TANC2: variants seen among roughly 807,000 people sequenced by gnomAD.
TANC2 encodes the protein protein TANC2.
TANC2 carries 26 observed loss-of-function variants against 210.5 expected under a neutral mutation model. The observed-to-expected ratio is 0.12, with a 90% confidence interval of 0.09 to 0.17. TANC2 has a LOEUF of 0.17. TANC2 is among the 10% of genes least tolerant of loss of function. TANC2 has a pLI of 1.00. For missense variants in TANC2, 2,129 were observed against 2,608.9 expected (o/e 0.82, Z 4.01); for synonymous variants, 931 against 967.1 (o/e 0.96, Z 0.69).
At position 63,247,094 on chromosome 17, in the gene TANC2, A is replaced by G. The variant is rs1036682551; in HGVS notation, c.1033+9017A>G. Among the ~76,000 whole-genome samples, 8 of 152,176 alleles carry G rather than the reference A, an allele frequency of 5.3e-5. No individual in the cohort carries two copies. In the East Asian group the frequency reaches 1.5e-3, roughly 29 times the overall value. Reference sequence around the variant, plus strand: ...ATCTATTCATTTATTCTTTAGTGAAATATCTATTCAAACTTTAGCACATTT... The same window carrying G: ...ATCTATTCATTTATTCTTTAGTGAAGTATCTATTCAAACTTTAGCACATTT... On this transcript the variant is annotated intron_variant, in intron 8 of 27. Transcript: ENST00000689528.
intron 1 of TANC2, chr17:62,978,926 A>G (rs1219548047): frequency 6.6e-6 from 1 of 152,224 alleles, no homozygotes; most frequent in African/African-American, 2.4e-5. Flanking sequence ...CCAGCAAAGC[A>G]TTTAATAAAA....
chr17:63,195,009 TAATA>T (rs1296761681), intron 6 of TANC2, among the ~76,000 whole-genome samples: 1 of 152,162 alleles, frequency 6.6e-6, no homozygotes, highest in African/African-American at 2.4e-5. Context: ...CATATTTTAT[TAATA>T]AATATTAGTG....
chr17:63,245,096 A>G (rs190929422), intron 8 of TANC2, among the ~76,000 whole-genome samples: 6 of 152,296 alleles, frequency 3.9e-5, no homozygotes, highest in Admixed American at 2.6e-4. Flanking sequence ...TGATTTTACT[A>G]TTCTTCCACC....
intron 5 of TANC2, chr17:63,154,245 A>G (rs2039759579): frequency 6.6e-6 from 1 of 152,140 alleles, no homozygotes; most frequent in Admixed American, 6.6e-5. Context: ...AGAGAATTCA[A>G]GTGATTTGTC....
chr17:63,274,376 T>C (rs940365124), intron 9 of TANC2, among the ~76,000 whole-genome samples: 2 of 152,156 alleles, frequency 1.3e-5, no homozygotes, highest in African/African-American at 4.8e-5. Context: ...TGAATACTAA[T>C]GATAAAAGTC....
intron 2 of TANC2, among the ~76,000 whole-genome samples, chr17:63,012,557 G>GT (rs1555752778): frequency 1.3e-5 from 2 of 151,804 alleles, no homozygotes; most frequent in African/African-American, 4.8e-5. Flanking sequence ...ACTTAGATAT[G>GT]CCCATATATT....
chr17:63,344,151 G>A (rs968424218), intron 12 of TANC2, among the ~76,000 whole-genome samples: 1 of 152,196 alleles, frequency 6.6e-6, no homozygotes, highest in Admixed American at 6.5e-5. Context: ...TCTCATAGGA[G>A]CACGAACTCT....
At chr17:63,183,885 C>T (rs1443389946) in intron 5 of TANC2, among the ~76,000 whole-genome samples, 1 of 152,010 alleles carries the variant, frequency 6.6e-6, no homozygotes, top group African/African-American at 2.4e-5. Flanking sequence ...GGCGAGGTGG[C>T]GGGCACCTGT....
intron 7 of TANC2, among the ~76,000 whole-genome samples, chr17:63,219,790 A>AT (rs1385936108): frequency 1.3e-5 from 2 of 151,992 alleles, no homozygotes; most frequent in East Asian, 1.9e-4. Context: ...ACATATATCC[A>AT]TTTTTTTAGA....
chr17:63,209,005 AT>A (rs1034696104), intron 7 of TANC2, among the ~76,000 whole-genome samples: 17 of 147,934 alleles, frequency 1.1e-4, no homozygotes, highest in African/African-American at 1.7e-4. Context: ...TTTCTTCCTA[AT>A]TTTTTTTTTC....
intron 1 of TANC2, among the ~76,000 whole-genome samples, chr17:63,008,242 A>G (rs1350975400): frequency 3.9e-5 from 6 of 152,122 alleles, no homozygotes; most frequent in African/African-American, 1.2e-4. Flanking sequence ...ATGTTAGACA[A>G]TTCTTGGTTG....
chr17:63,300,254 T>A (rs2044669890), intron 9 of TANC2, among the ~76,000 whole-genome samples: 1 of 152,226 alleles, frequency 6.6e-6, no homozygotes, highest in Non-Finnish European at 1.5e-5. Flanking sequence ...TAGGATTGTC[T>A]TGGCTATACA....
At chr17:63,090,992 T>C (rs538282891) in intron 3 of TANC2, among the ~76,000 whole-genome samples, 1 of 152,268 alleles carries the variant, frequency 6.6e-6, no homozygotes, top group South Asian at 2.1e-4. Flanking sequence ...GTCTGTTGGC[T>C]GCATAAATGT....
chr17:63,352,719 A>T (rs552514204), intron 13 of TANC2, among the ~76,000 whole-genome samples: 2 of 152,320 alleles, frequency 1.3e-5, no homozygotes, highest in South Asian at 2.1e-4. Context: ...AAGAATTTTT[A>T]AAAATTATTT....
chr17:62,996,703 G>T (rs1221251684), intron 1 of TANC2, among the ~76,000 whole-genome samples: 3 of 151,706 alleles, frequency 2.0e-5, no homozygotes, highest in Non-Finnish European at 2.9e-5. Flanking sequence ...GCTCTTTTGA[G>T]TTCTTCCATT....
At chr17:63,358,664 A>G (rs2046860896) in intron 14 of TANC2, among the ~76,000 whole-genome samples, 1 of 152,164 alleles carries the variant, frequency 6.6e-6, no homozygotes, top group Admixed American at 6.5e-5. Context: ...TCCTGCTATT[A>G]TGCTAATAGT....
intron 1 of TANC2, among the ~76,000 whole-genome samples, chr17:62,984,011 T>C (rs2032441057): frequency 6.6e-6 from 1 of 152,158 alleles, no homozygotes; most frequent in South Asian, 2.1e-4. Context: ...TCCCTCCACT[T>C]CAATTTTTGG....
At chr17:63,131,681 T>C (rs2038925656) in intron 4 of TANC2, among the ~76,000 whole-genome samples, 1 of 152,216 alleles carries the variant, frequency 6.6e-6, no homozygotes, top group Non-Finnish European at 1.5e-5. Flanking sequence ...TTTCATATTA[T>C]CATTTAAAGG....
At position 63,246,300 on chromosome 17, in the gene TANC2, T is replaced by A. The variant is rs1042570296; in HGVS notation, c.1033+8223T>A. Among the ~76,000 whole-genome samples, 21 of 151,716 alleles carry A rather than the reference T, an allele frequency of 1.4e-4. No individual in the cohort carries two copies. In the South Asian group the frequency reaches 1.9e-3, roughly 14 times the overall value. Reference sequence around the variant, plus strand: ...GTCTGTGTGTGGATTTTTAAAAAAATTTTTTTAAAAACAAGTATATTGAGT... The same window carrying A: ...GTCTGTGTGTGGATTTTTAAAAAAAATTTTTTAAAAACAAGTATATTGAGT... On this transcript the variant is annotated intron_variant, in intron 8 of 27. Transcript: ENST00000689528.
Sources: allele counts gnomAD v4.1 joint callset (sites outside exome capture counted in the v4.1 genomes callset), GRCh38; gene constraint gnomAD v4.1.1; transcripts MANE v1.5; gene names NCBI Gene and HGNC (gene_info 2026-07-23, HGNC 2026-07-21).